DLG2: variants seen among roughly 807,000 people sequenced by gnomAD.
DLG2 encodes disks large homolog 2.
A neutral mutation model predicts 132.5 loss-of-function variants in DLG2; 45 were observed. The ratio of observed to expected loss-of-function variants is 0.34; its 90% CI spans 0.27 to 0.44. The LOEUF is 0.44. DLG2 is among the 20% of genes least tolerant of loss of function. The pLI, the probability that DLG2 is intolerant of heterozygous loss-of-function variation, is 1.00. For synonymous variants in DLG2, 424 were observed against 419.6 expected (o/e 1.01, Z -0.13); for missense variants, 1,045 against 1,196.9 (o/e 0.87, Z 1.87).
chr11:83,759,651 G>A (rs1169313498), intron 18 of DLG2, among the ~76,000 whole-genome samples: 1 of 152,090 alleles, frequency 6.6e-6, no homozygotes, highest in East Asian at 1.9e-4. Flanking sequence ...TTCCCTCTGT[G>A]AGAGAGGTTC....
At chr11:84,880,820 G>A (rs1368533414) in intron 6 of DLG2, among the ~76,000 whole-genome samples, 1 of 152,034 alleles carries the variant, frequency 6.6e-6, no homozygotes, top group Non-Finnish European at 1.5e-5. Context: ...TATGGTCTAA[G>A]CTCTTTCAAT....
At chr11:84,240,872 A>G (rs1263905364) in intron 8 of DLG2, among the ~76,000 whole-genome samples, 1 of 152,212 alleles carries the variant, frequency 6.6e-6, no homozygotes, top group Non-Finnish European at 1.5e-5. Context: ...ATGTCATAAT[A>G]TCCTAAATAT....
At chr11:85,572,802 C>T (rs1032051081) in intron 3 of DLG2, among the ~76,000 whole-genome samples, 1 of 152,218 alleles carries the variant, frequency 6.6e-6, no homozygotes, top group Non-Finnish European at 1.5e-5. Flanking sequence ...ACACATTCAT[C>T]CACATCTGCT....
At chr11:84,348,043 CAG>C (rs2154410155) in intron 7 of DLG2, among the ~76,000 whole-genome samples, 1 of 152,212 alleles carries the variant, frequency 6.6e-6, no homozygotes, top group African/African-American at 2.4e-5. Context: ...AGGATTAAAA[CAG>C]ATAACACAGG....
chr11:85,414,320 A>G (rs2089618974), intron 3 of DLG2, among the ~76,000 whole-genome samples: 2 of 151,918 alleles, frequency 1.3e-5, no homozygotes, highest in African/African-American at 4.8e-5. Flanking sequence ...GGGTTTTCTA[A>G]GTAAACAATC....
At chr11:83,785,960 T>C (rs554464321) in intron 18 of DLG2, among the ~76,000 whole-genome samples, 1 of 152,348 alleles carries the variant, frequency 6.6e-6, no homozygotes, top group Admixed American at 6.5e-5. Flanking sequence ...CCCATAATTG[T>C]GTGCTTACAT....
intron 7 of DLG2, among the ~76,000 whole-genome samples, chr11:84,339,348 T>C (rs1342879245): frequency 3.9e-5 from 6 of 152,254 alleles, no homozygotes; most frequent in African/African-American, 1.4e-4. Flanking sequence ...CATTTTGAAG[T>C]AGACCGTGTT....
chr11:83,620,420 A>G (rs1220601817), intron 19 of DLG2, among the ~76,000 whole-genome samples: 1 of 152,214 alleles, frequency 6.6e-6, no homozygotes, highest in Non-Finnish European at 1.5e-5. Context: ...TGATGATGAA[A>G]GATTCCTTTT....
intron 6 of DLG2, among the ~76,000 whole-genome samples, chr11:84,924,235 T>C (rs1304222563): frequency 6.6e-6 from 1 of 152,196 alleles, no homozygotes; most frequent in African/African-American, 2.4e-5. Context: ...ATACCCTTAT[T>C]TCCAGCCTTG....
chr11:84,451,349 C>G (rs1567672158), intron 7 of DLG2, among the ~76,000 whole-genome samples: 2 of 151,794 alleles, frequency 1.3e-5, no homozygotes, highest in Non-Finnish European at 2.9e-5. Context: ...TCTTTGTAAA[C>G]TCTTCTAAAG....
intron 3 of DLG2, among the ~76,000 whole-genome samples, chr11:85,423,612 G>C (rs1213840945): frequency 6.6e-6 from 1 of 152,132 alleles, no homozygotes; most frequent in Non-Finnish European, 1.5e-5. Context: ...TGCAGCTGCT[G>C]TGGGGGATGG....
chr11:83,912,270 A>G (rs1047563237), intron 15 of DLG2, among the ~76,000 whole-genome samples: 2 of 152,176 alleles, frequency 1.3e-5, no homozygotes, highest in African/African-American at 2.4e-5. Flanking sequence ...TTGTATATAT[A>G]GTAATCATCC....
At chr11:84,749,623 T>A (rs1342491139) in intron 6 of DLG2, among the ~76,000 whole-genome samples, 1 of 152,144 alleles carries the variant, frequency 6.6e-6, no homozygotes, top group Non-Finnish European at 1.5e-5. Context: ...GTAAGTACAC[T>A]CTATGATATT....
intron 6 of DLG2, among the ~76,000 whole-genome samples, chr11:84,929,744 G>A (rs917808687): frequency 2.0e-5 from 3 of 152,050 alleles, no homozygotes; most frequent in Non-Finnish European, 2.9e-5. Flanking sequence ...TACATAAAAC[G>A]AAGTATGATT....
intron 3 of DLG2, among the ~76,000 whole-genome samples, chr11:85,413,285 T>C (rs895498356): frequency 1.3e-5 from 2 of 152,094 alleles, no homozygotes; most frequent in Admixed American, 6.6e-5. Flanking sequence ...TTGAGTTCAT[T>C]GTAGATTCTA....
At chr11:85,605,840 A>T (rs888694504) in intron 2 of DLG2, among the ~76,000 whole-genome samples, 1 of 152,150 alleles carries the variant, frequency 6.6e-6, no homozygotes, top group Non-Finnish European at 1.5e-5. Context: ...TTAGCTGGAC[A>T]TGGTTGCGGG....
chr11:85,462,517 T>C (rs1350204578), intron 3 of DLG2, among the ~76,000 whole-genome samples: 1 of 152,044 alleles, frequency 6.6e-6, no homozygotes, highest in Non-Finnish European at 1.5e-5. Context: ...TGGATGGAGC[T>C]GGAAACCATC....
intron 6 of DLG2, among the ~76,000 whole-genome samples, chr11:84,747,892 C>T (rs2065587439): frequency 6.6e-6 from 1 of 152,118 alleles, no homozygotes; most frequent in Admixed American, 6.6e-5. Flanking sequence ...AGTTCTGCGC[C>T]TAATAGAAGG....
chr11:85,541,150 C>A (rs773043359), intron 3 of DLG2, among the ~76,000 whole-genome samples: 1 of 152,086 alleles, frequency 6.6e-6, no homozygotes, highest in African/African-American at 2.4e-5. Context: ...AATGTGCCAT[C>A]CTAAGGACTT....
Sources: gnomAD v4.1 joint callset for allele counts (sites outside exome capture counted in the v4.1 genomes callset) on GRCh38, gnomAD v4.1.1 for gene constraint, MANE v1.5 for transcripts, NCBI Gene and HGNC (gene_info 2026-07-23, HGNC 2026-07-21) for gene names.